The following OLFM3 variants were observed in gnomAD, a reference collection of about 807,000 sequenced individuals.
OLFM3 encodes noelin-3.
In OLFM3, 20 loss-of-function variants were observed where a neutral mutation model predicts 48.6. The ratio of observed to expected loss-of-function variants is 0.41; its 90% CI spans 0.29 to 0.60. The LOEUF (loss-of-function observed/expected upper bound fraction) is 0.60, where lower values mean the gene tolerates loss of function less well. OLFM3 is among the 20% of genes least tolerant of loss of function. The pLI is 0.28. For missense variants in OLFM3, 437 were observed against 544.3 expected (o/e 0.80, Z 1.96); for synonymous variants, 222 against 198.1 (o/e 1.12, Z -1.01).
chr1:101,822,150 G>GA (rs891442600), intron 4 of OLFM3, among the ~76,000 whole-genome samples: 1 of 151,918 alleles, frequency 6.6e-6, no homozygotes, highest in Non-Finnish European at 1.5e-5. Context: ...ATGTGGGTTA[G>GA]AAAAAACAAA....
intron 1 of OLFM3, among the ~76,000 whole-genome samples, chr1:101,940,467 T>C (rs955597169): frequency 1.3e-5 from 2 of 151,748 alleles, no homozygotes; most frequent in African/African-American, 4.8e-5. Context: ...ATCTATTATC[T>C]ATCTTTCTAA....
At chr1:101,884,553 G>T (rs912325521) in intron 1 of OLFM3, among the ~76,000 whole-genome samples, 49 of 152,006 alleles carry the variant, frequency 3.2e-4, no homozygotes, top group African/African-American at 9.6e-4. Context: ...TAGTAAGGAA[G>T]AGAGGCGAGC....
chr1:101,968,844 TTTA>T (rs1228712343), intron 1 of OLFM3, among the ~76,000 whole-genome samples: 1 of 152,216 alleles, frequency 6.6e-6, no homozygotes, highest in Non-Finnish European at 1.5e-5. Flanking sequence ...GAATGATGAT[TTTA>T]TTGTGAATTT....
At chr1:101,808,199 A>G (rs149530965) in intron 4 of OLFM3, among the ~76,000 whole-genome samples, 240 of 151,814 alleles carry the variant, frequency 1.6e-3, no homozygotes, top group Non-Finnish European at 2.4e-3. Context: ...GTGATACATG[A>G]TTTTATCTGC....
At chr1:101,957,107 A>G (rs961106074) in intron 1 of OLFM3, among the ~76,000 whole-genome samples, 1 of 151,998 alleles carries the variant, frequency 6.6e-6, no homozygotes, top group Non-Finnish European at 1.5e-5. Context: ...TTTTAGTTCC[A>G]CAAGACCTCT....
rs1313633486 is a variant in OLFM3 at position 101,996,765 on chromosome 1, C to CG, written c.51dup (p.Gly18ArgfsTer10). On this transcript the variant is annotated frameshift_variant, in exon 1 of 6. Coordinates refer to ENST00000370103, the MANE Select transcript of OLFM3 (RefSeq NM_058170.4). LOFTEE classifies it high-confidence loss of function. ...GTTCATACCTTGGAAGGATCTAATC[C>CG]GGCAAACAAAGACAGCAGCAGGAGG... 6.2e-7 allele frequency: 1 copy of CG among 1,614,198 alleles called. No homozygotes were observed. The highest frequency in any genetic ancestry group is 8.5e-7 in the Non-Finnish European group (1 of 1,180,026).
chr1:101,965,396 C>A (rs1361634071), intron 1 of OLFM3, among the ~76,000 whole-genome samples: 1 of 152,154 alleles, frequency 6.6e-6, no homozygotes, highest in Non-Finnish European at 1.5e-5. Flanking sequence ...TTAAGTCATG[C>A]ACATTTATTG....
chr1:101,938,980 C>A (rs1382352286), intron 1 of OLFM3, among the ~76,000 whole-genome samples: 1 of 152,114 alleles, frequency 6.6e-6, no homozygotes, highest in Non-Finnish European at 1.5e-5. Flanking sequence ...CTTTCTTTCT[C>A]TTTTTTGTTC....
At chr1:101,927,626 A>G (rs1659312074) in intron 1 of OLFM3, among the ~76,000 whole-genome samples, 1 of 151,728 alleles carries the variant, frequency 6.6e-6, no homozygotes, top group Non-Finnish European at 1.5e-5. Context: ...TATATTAACT[A>G]CTATCACTTA....
chr1:101,885,776 C>G (rs985852127), intron 1 of OLFM3, among the ~76,000 whole-genome samples: 1 of 152,076 alleles, frequency 6.6e-6, no homozygotes, highest in African/African-American at 2.4e-5. Flanking sequence ...TCAATTAACT[C>G]TTTATGCTAT....
intron 1 of OLFM3, among the ~76,000 whole-genome samples, chr1:101,940,342 A>AT (rs34137812): frequency 0.33 from 44,613 of 135,244 alleles, 7,711 homozygotes; most frequent in Middle Eastern, 0.5. Context: ...GTTTTGGAAC[A>AT]TTTTTTTTTT....
chr1:101,957,404 T>G (rs1263731793), intron 1 of OLFM3, among the ~76,000 whole-genome samples: 2 of 151,958 alleles, frequency 1.3e-5, no homozygotes, highest in Non-Finnish European at 1.5e-5. Flanking sequence ...CAATTTGTGC[T>G]GCTGGTGTTT....
intron 1 of OLFM3, among the ~76,000 whole-genome samples, chr1:101,877,474 T>G (rs1657346403): frequency 6.6e-6 from 1 of 151,948 alleles, no homozygotes; most frequent in African/African-American, 2.4e-5. Context: ...TAAAAACCAG[T>G]TTTTCAATGA....
chr1:101,928,488 T>C (rs888759995), intron 1 of OLFM3, among the ~76,000 whole-genome samples: 24 of 152,152 alleles, frequency 1.6e-4, no homozygotes, highest in African/African-American at 5.8e-4. Context: ...GTCTACCCAG[T>C]AACACTAGCA....
In OLFM3 at chr1:101,963,210, T is replaced by C. The variant is rs534873193; in HGVS notation, c.69+33538A>G. 3.3e-5 allele frequency among the ~76,000 whole-genome samples: 5 copies of C among 152,280 alleles called. No homozygotes were observed. In the South Asian group the frequency reaches 8.3e-4, roughly 25 times the overall value. ...TGCATTACTCCCCCATTGCCACCCATGGTGTGTGGGAAATTCTTACTTATT... is the reference window on the plus strand; with the variant it reads ...TGCATTACTCCCCCATTGCCACCCACGGTGTGTGGGAAATTCTTACTTATT... On this transcript the variant is annotated intron_variant, in intron 1 of 5. Transcript: ENST00000370103.
At chr1:101,958,835 T>TTTTATATATATA (rs1330516478) in intron 1 of OLFM3, among the ~76,000 whole-genome samples, 1 of 146,392 alleles carries the variant, frequency 6.8e-6, no homozygotes, top group Admixed American at 6.9e-5. Context: ...CAAAGTGATA[T>TTTTATATATATA]TATATATATA....
intron 1 of OLFM3, among the ~76,000 whole-genome samples, chr1:101,883,140 C>T (rs1263570181): frequency 1.3e-5 from 2 of 151,702 alleles, no homozygotes; most frequent in Non-Finnish European, 2.9e-5. Flanking sequence ...AAAACTGTCC[C>T]AGGTAGCTGT....
chr1:101,839,526 A>G (rs1250832090), intron 1 of OLFM3, among the ~76,000 whole-genome samples: 1 of 152,206 alleles, frequency 6.6e-6, no homozygotes, highest in Non-Finnish European at 1.5e-5. Context: ...ATATGCCAGA[A>G]AATTGAGGCT....
At chr1:101,916,785 A>C (rs1658941700) in intron 1 of OLFM3, among the ~76,000 whole-genome samples, 1 of 152,168 alleles carries the variant, frequency 6.6e-6, no homozygotes, top group South Asian at 2.1e-4. Context: ...GATCTGGGTA[A>C]TTGGTGTATT....
Sources: gnomAD v4.1 joint callset for allele counts (sites outside exome capture counted in the v4.1 genomes callset) on GRCh38, gnomAD v4.1.1 for gene constraint, MANE v1.5 for transcripts, NCBI Gene and HGNC (gene_info 2026-07-23, HGNC 2026-07-21) for gene names.